HAUS7: variants seen among roughly 807,000 people sequenced by gnomAD.
HAUS7 encodes HAUS augmin like complex subunit 7.
A neutral mutation model predicts 28.4 loss-of-function variants in HAUS7; 3 were observed. That is an observed-to-expected ratio of 0.11 (90% CI 0.05 to 0.27). The LOEUF is 0.27. Ranked by LOEUF, HAUS7 falls within the 10% of genes least tolerant of loss-of-function variation. The pLI is 1.00. For missense variants in HAUS7, 284 were observed against 297.3 expected (o/e 0.96, Z 0.33); for synonymous variants, 165 against 132.1 (o/e 1.25, Z -1.71).
intron 1 of HAUS7, among the ~76,000 whole-genome samples, chrX:153,493,496 G>A (rs150956347): frequency 0.012 from 1,362 of 112,174 alleles, 7 homozygotes; most frequent in Middle Eastern, 0.037. Context: ...ACACAAACCT[G>A]CCGAAAGACA....
chrX:153,462,984 ACT>A, intron 3 of HAUS7: 1 of 423,223 alleles, frequency 2.4e-6, no homozygotes, highest in Non-Finnish European at 4.4e-6. Context: ...TCTACAGTGC[ACT>A]GTCTGCCACT....
chrX:153,459,772 T>C (rs1365775618), intron 4 of HAUS7, among the ~76,000 whole-genome samples: 5 of 112,290 alleles, frequency 4.5e-5, no homozygotes, highest in African/African-American at 1.6e-4. Context: ...TCCCAGCACT[T>C]TGGGAGGCTA....
At chrX:153,494,464 C>T (rs976081214) in intron 1 of HAUS7, among the ~76,000 whole-genome samples, 27 of 112,370 alleles carry the variant, frequency 2.4e-4, no homozygotes, top group African/African-American at 7.4e-4. Context: ...AAATCCACAA[C>T]AGCTACCTCT....
At chrX:153,481,414 C>A in intron 1 of HAUS7, 1 of 754,811 alleles carries the variant, frequency 1.3e-6, no homozygotes. Context: ...GGACCGCAGC[C>A]GAGGCCAGGG....
Position 153,456,567 on chromosome X carries a change from G to T in HAUS7, c.531C>A (p.Leu177=), listed in dbSNP as rs138156069. The part of the protein sequence containing the change: ...ELFSSPHLQM[L]LNPECDPWPL... The stretch of plus-strand genomic sequence containing the variant: ...GCCACGGGTCGCACTCTGGATTCAG[G>T]AGCATCTGCAGGTGGGGGCTAGAGA... The change falls in exon 6 of 10, where the codon CTC becomes CTA. Residue 177 remains leucine (L), a synonymous_variant. Coordinates refer to ENST00000370211, the MANE Select transcript of HAUS7 (RefSeq NM_001385482.1). The T allele has an allele frequency of 2.6e-6, 3 of 1,175,883 alleles. No individual in the cohort carries two copies. Among genetic ancestry groups the T allele is most frequent in the Non-Finnish European group, 3.4e-6 (3 of 876,980 alleles).
chrX:153,481,402 A>G (rs890021964), intron 1 of HAUS7: 10 of 753,079 alleles, frequency 1.3e-5, no homozygotes, highest in Non-Finnish European at 1.4e-5. Context: ...GCGCCCACAG[A>G]AGGACCGCAG....
intron 1 of HAUS7, chrX:153,481,244 G>T: frequency 1.7e-6 from 1 of 572,805 alleles, no homozygotes; most frequent in Non-Finnish European, 2.1e-6. Flanking sequence ...GTAACCTGTC[G>T]CTCCAACCCA....
At chrX:153,462,228 G>A in intron 4 of HAUS7, 6 of 735,349 alleles carry the variant, frequency 8.2e-6, no homozygotes, top group Non-Finnish European at 9.6e-6. Context: ...GGGTAGATGA[G>A]GGACCTCGGG....
Position 153,462,669 on chromosome X carries a change from T to A in HAUS7, c.295A>T (p.Met99Leu). 1.7e-6 allele frequency: 2 copies of A among 1,201,340 alleles called. No homozygotes were observed. Among genetic ancestry groups the A allele is most frequent in the Non-Finnish European group, 2.3e-6 (2 of 885,613 alleles). ...ATCAGCTCGTGGCCCAGCTTCGTCA[T>A]TTCTGTTGAAACACAAAGAGCCCAT... ...GVPTEVKIQE[M>L]TKLGHELMLC... The change falls in exon 4 of 10, where the codon ATG (methionine) becomes TTG (leucine). Residue 99 changes from methionine (M) to leucine (L), a missense_variant and splice_region_variant. Met to Leu is a conservative substitution (Grantham distance 15). Coordinates refer to ENST00000370211, the MANE Select transcript of HAUS7 (RefSeq NM_001385482.1).
At chrX:153,477,287 C>T (rs137963455) in intron 1 of HAUS7, among the ~76,000 whole-genome samples, 1,270 of 113,370 alleles carry the variant, frequency 0.011, 22 homozygotes, top group African/African-American at 0.038. Context: ...GCCTGGGGAG[C>T]GGCGCAAACA....
chrX:153,479,815 G>T (rs1466884019), intron 1 of HAUS7, among the ~76,000 whole-genome samples: 2 of 111,464 alleles, frequency 1.8e-5, no homozygotes, highest in African/African-American at 6.5e-5. Context: ...GGGCGGGAGG[G>T]GCCAGGTGGG....
intron 1 of HAUS7, among the ~76,000 whole-genome samples, chrX:153,488,108 G>C (rs1301469838): frequency 2.7e-5 from 3 of 112,818 alleles, no homozygotes; most frequent in African/African-American, 9.7e-5. Flanking sequence ...GCAGGAGAGG[G>C]CCCAGCAGAG....
chrX:153,449,023 G>A (rs2089204866), intron 9 of HAUS7, among the ~76,000 whole-genome samples: 1 of 111,859 alleles, frequency 8.9e-6, no homozygotes, highest in Non-Finnish European at 1.9e-5. Context: ...TGGCTGCCCG[G>A]CCCAGTGGCG....
chrX:153,454,674 G>A (rs112656480), intron 8 of HAUS7, 166 bp from the exon 9 acceptor site: 6,632 of 474,277 alleles, frequency 0.014, 38 homozygotes, highest in Non-Finnish European at 0.019. Context: ...AACTCCCAGC[G>A]GGGAAGTCAC....
rs368562448 is a variant in HAUS7, at chrX:153,462,652, G to A, written c.312C>T (p.His104=). 1.2e-5 allele frequency: 15 copies of A among 1,205,973 alleles called. No individual in the cohort carries two copies. The highest frequency in any genetic ancestry group is 3.5e-5 in the African/African-American group (2 of 57,599). Residue 104 remains histidine, a synonymous_variant, in exon 4 of 10, where the codon CAC becomes CAT. Transcript: ENST00000370211. ...VKIQEMTKLG[H]ELMLCAPDDQ... ...CATCTGGCGCACACAGCATCAGCTC[G>A]TGGCCCAGCTTCGTCATTTCTGTTG...
At position 153,485,832 on chromosome X, in the gene HAUS7, G is replaced by A. The variant is rs1323515204; in HGVS notation, c.-589+9542C>T. On this transcript the variant is annotated intron_variant, in intron 1 of 5. Transcript: ENST00000370210. ...GTGCACGTGCCCCGCTTCCTGCCGCGGGGCCTGAGGCGCCTGACGCTGCAC... is the reference window on the plus strand; with the variant it reads ...GTGCACGTGCCCCGCTTCCTGCCGCAGGGCCTGAGGCGCCTGACGCTGCAC... 11 of 898,521 alleles carry A rather than the reference G, an allele frequency of 1.2e-5. No homozygotes were observed. In the African/African-American group the frequency reaches 1.5e-4, roughly 12 times the overall value. 74.0% of individuals were successfully genotyped at this position (898,521 alleles called of 1,213,427 possible). A position where few individuals can be genotyped will look rare whatever the true frequency, so the allele number is the denominator to read the frequency against.
intron 1 of HAUS7, 70 bp downstream of exon 1, chrX:153,470,380 G>T: frequency 1.8e-6 from 2 of 1,084,278 alleles, no homozygotes; most frequent in Non-Finnish European, 2.5e-6. Flanking sequence ...TCCGCAGCAA[G>T]CCCTCCCGGG....
At chrX:153,454,601 C>T in intron 8 of HAUS7, 93 bp from the exon 9 acceptor site, 3 of 553,593 alleles carry the variant, frequency 5.4e-6, no homozygotes, top group East Asian at 3.6e-5. Flanking sequence ...TCTCCTGCTT[C>T]CCACCCCCAC....
intron 4 of HAUS7, among the ~76,000 whole-genome samples, chrX:153,459,808 G>A (rs1556983012): frequency 8.9e-6 from 1 of 112,482 alleles, no homozygotes; most frequent in East Asian, 2.8e-4. Flanking sequence ...CTGAGCCCAG[G>A]AGTTCGAGAC....
Sources: allele counts gnomAD v4.1 joint callset (sites outside exome capture counted in the v4.1 genomes callset), GRCh38; gene constraint gnomAD v4.1.1; transcripts MANE v1.5; gene names NCBI Gene and HGNC (gene_info 2026-07-23, HGNC 2026-07-21).